BLM: variants seen among roughly 807,000 people sequenced by gnomAD.
BLM encodes the protein BLM RecQ like helicase, also known as recQ-like DNA helicase BLM.
BLM carries 95 observed loss-of-function variants against 135.3 expected under a neutral mutation model. The ratio of observed to expected loss-of-function variants is 0.70; its 90% CI spans 0.59 to 0.83. BLM has a LOEUF of 0.83. Among genes scored for constraint, BLM ranks in the 40% least tolerant of loss-of-function variants. The pLI is 0.00. For missense variants in BLM, 1,518 were observed against 1,663.9 expected (o/e 0.91, Z 1.53); for synonymous variants, 520 against 589.2 (o/e 0.88, Z 1.70).
chr15:90,800,477 T>A (rs1897137501), intron 17 of BLM, among the ~76,000 whole-genome samples: 1 of 151,792 alleles, frequency 6.6e-6, no homozygotes, highest in Non-Finnish European at 1.5e-5. Context: ...GGTCAGGAGT[T>A]CGAGGCCAGC....
rs587778104 is a variant in BLM at position 90,815,127 on chromosome 15, T to A, written c.4102T>A (p.Ser1368Thr). The stretch of plus-strand genomic sequence containing the variant: ...GGGGTCTGCCACATGTAGAAAGATA[T>A]CTTCCAAAACGAAATCCTCCAGCAT... Reference protein sequence around the residue: ...KGGSATCRKISSKTKSSSIIG... With the variant: ...KGGSATCRKITSKTKSSSIIG... The change falls in exon 22 of 22, where the codon TCT becomes ACT. Residue 1368 changes from serine to threonine, a missense_variant. Ser to Thr is a moderately conservative substitution (Grantham distance 58). Transcript: ENST00000355112. The surrounding 1 kb of genome is among the most constrained non-coding windows in gnomAD (Gnocchi z 4.6). The A allele has an allele frequency of 5.6e-6, 9 of 1,614,042 alleles. No homozygotes were observed. The African/African-American group carries it at 9.3e-5, about 17-fold the overall frequency.
intron 1 of BLM, among the ~76,000 whole-genome samples, chr15:90,733,799 C>G (rs956940857): frequency 6.6e-6 from 1 of 152,144 alleles, no homozygotes; most frequent in Non-Finnish European, 1.5e-5. Context: ...CCTTCTTGCT[C>G]TCTTCTTGCC....
At chr15:90,777,672 T>C (rs1199490315) in intron 12 of BLM, among the ~76,000 whole-genome samples, 2 of 152,208 alleles carry the variant, frequency 1.3e-5, no homozygotes, top group Non-Finnish European at 2.9e-5. Context: ...TTAAGAAAAC[T>C]TTATTAAAAT....
chr15:90,759,971 TTA>T, intron 5 of BLM, 174 bp from the exon 6 acceptor site: 5 of 493,724 alleles, frequency 1.0e-5, no homozygotes, highest in Non-Finnish European at 1.8e-5. Flanking sequence ...TTTTTTTTTT[TTA>T]GTGACAGGGT....
chr15:90,789,870 C>T (rs974448525), intron 14 of BLM, among the ~76,000 whole-genome samples: 5 of 151,912 alleles, frequency 3.3e-5, no homozygotes, highest in Admixed American at 2.6e-4. Context: ...TAAATAGCTC[C>T]TAAATTCTCA....
chr15:90,750,443 A>G (rs1895651775), intron 3 of BLM, among the ~76,000 whole-genome samples: 1 of 152,200 alleles, frequency 6.6e-6, no homozygotes, highest in South Asian at 2.1e-4. Context: ...GCCCTGCAAT[A>G]CCGCGACAGT....
At chr15:90,805,429 A>G (rs886189744) in intron 19 of BLM, among the ~76,000 whole-genome samples, 6 of 151,824 alleles carry the variant, frequency 4.0e-5, no homozygotes, top group Non-Finnish European at 7.4e-5. Flanking sequence ...TGTATATAAC[A>G]CAGCTAAACA....
At chr15:90,788,217 A>G (rs909966902) in intron 14 of BLM, among the ~76,000 whole-genome samples, 37 of 152,196 alleles carry the variant, frequency 2.4e-4, no homozygotes, top group African/African-American at 7.7e-4. Context: ...ATTGAAACAG[A>G]TAAGTGTGTT....
rs558074312 is a variant in BLM at position 90,764,453 on chromosome 15, TC to T, written c.2075-836del. 4.0e-3 allele frequency among the ~76,000 whole-genome samples: 609 copies of T among 151,466 alleles called. 2 individuals are homozygous for T. The highest frequency in any genetic ancestry group is 0.014 in the African/African-American group (585 of 41,332). ...TGCAGCTTCAACTGGGTTCAAACAATCCCCCCCACCTTAGCCTCCCAAGAAG... is the reference window on the plus strand; with the variant it reads ...TGCAGCTTCAACTGGGTTCAAACAATCCCCCCACCTTAGCCTCCCAAGAAG... On this transcript the variant is annotated intron_variant, in intron 8 of 21. Transcript: ENST00000355112.
At chr15:90,745,512 C>G (rs952874968) in intron 1 of BLM, among the ~76,000 whole-genome samples, 2 of 152,118 alleles carry the variant, frequency 1.3e-5, no homozygotes, top group Non-Finnish European at 2.9e-5. Flanking sequence ...TAGGCTCAAG[C>G]AGTCCTCCCA....
chr15:90,773,767 A>G (rs1896394217), intron 12 of BLM, among the ~76,000 whole-genome samples: 1 of 152,102 alleles, frequency 6.6e-6, no homozygotes, highest in African/African-American at 2.4e-5. Flanking sequence ...TTCACTGAGC[A>G]TGTTTTTAAG....
Position 90,815,294 on chromosome 15 carries a change from T to C in BLM, c.*15T>C, listed in dbSNP as rs971849986. The C allele has an allele frequency of 7.4e-6, 12 of 1,611,100 alleles. No homozygotes were observed. The highest frequency in any genetic ancestry group is 1.7e-5 in the Admixed American group (1 of 59,992). On this transcript the variant is annotated 3_prime_UTR_variant, in exon 22 of 22. Transcript: ENST00000355112. This position sits in a 1 kb window ranked among gnomAD's most constrained non-coding sequence, Gnocchi z 4.6. ...CATTCTCATAACAACCGAATCTCAATGTACATAGACCCTCTTTCTTGTTTG... is the reference window on the plus strand; with the variant it reads ...CATTCTCATAACAACCGAATCTCAACGTACATAGACCCTCTTTCTTGTTTG...
chr15:90,726,810 A>G (rs1230975017), intron 1 of BLM, among the ~76,000 whole-genome samples: 1 of 152,126 alleles, frequency 6.6e-6, no homozygotes, highest in Admixed American at 6.5e-5. Flanking sequence ...AATGTACTAT[A>G]ATTTTTTTAT....
intron 1 of BLM, among the ~76,000 whole-genome samples, chr15:90,738,604 A>G (rs1395272965): frequency 1.5e-5 from 2 of 129,660 alleles, no homozygotes; most frequent in Non-Finnish European, 3.4e-5. Flanking sequence ...CAAAACAAAA[A>G]CTCATACAGC....
intron 17 of BLM, 100 bp downstream of exon 17, chr15:90,798,437 A>G: frequency 7.8e-7 from 1 of 1,282,386 alleles, no homozygotes. Flanking sequence ...CTATTTTCTT[A>G]TAAAACTTGA....
intron 12 of BLM, among the ~76,000 whole-genome samples, chr15:90,780,564 A>G (rs530423127): frequency 6.6e-6 from 1 of 152,350 alleles, no homozygotes; most frequent in South Asian, 2.1e-4. Flanking sequence ...GTCTTATGAA[A>G]AAGGACAGCC....
At chr15:90,780,415 C>T (rs1008356861) in intron 12 of BLM, among the ~76,000 whole-genome samples, 1 of 152,098 alleles carries the variant, frequency 6.6e-6, no homozygotes, top group Admixed American at 6.6e-5. Flanking sequence ...AGACGAGGGT[C>T]TCACTTTGTT....
intron 17 of BLM, 33 bp from the exon 18 acceptor site, chr15:90,803,488 T>G: frequency 6.3e-7 from 1 of 1,584,462 alleles, no homozygotes; most frequent in East Asian, 2.2e-5. Context: ...ATACGTACAT[T>G]TACTCATCTT....
At chr15:90,795,478 C>T (rs1260391921) in intron 16 of BLM, among the ~76,000 whole-genome samples, 1 of 141,388 alleles carries the variant, frequency 7.1e-6, no homozygotes, top group Non-Finnish European at 1.6e-5. Context: ...GAAACTCCAT[C>T]AAAAAAAAAA....
Sources: gnomAD v4.1 joint callset for allele counts (sites outside exome capture counted in the v4.1 genomes callset) on GRCh38, gnomAD v4.1.1 for gene constraint, Gnocchi (gnomAD v3.1) non-coding constraint, MANE v1.5 for transcripts, NCBI Gene and HGNC (gene_info 2026-07-23, HGNC 2026-07-21) for gene names.